The following SHOC1 variants were observed in gnomAD, a reference collection of about 807,000 sequenced individuals.
The protein encoded by SHOC1 is shortage in chiasmata 1, also known as protein shortage in chiasmata 1 ortholog.
In SHOC1, 136 loss-of-function variants were observed where a neutral mutation model predicts 179.2. The observed-to-expected ratio is 0.76, with a 90% CI of 0.66 to 0.87. The LOEUF (loss-of-function observed/expected upper bound fraction) is 0.87, where lower values mean the gene tolerates loss of function less well. Among genes scored for constraint, SHOC1 ranks in the 40% least tolerant of loss-of-function variants. The probability of loss-of-function intolerance (pLI) is 0.00; values close to 1 mark genes in which losing one functional copy is unlikely to be tolerated. For missense variants in SHOC1, 1,538 were observed against 1,700.8 expected (o/e 0.90, Z 1.68); for synonymous variants, 489 against 586.6 (o/e 0.83, Z 2.41).
rs1834991112 is a variant in SHOC1 at position 111,758,694 on chromosome 9, C to T, written c.596+1G>A. 6.4e-7 allele frequency: 1 copy of T among 1,570,894 alleles called. No individual in the cohort carries two copies. Among genetic ancestry groups the T allele is most frequent in the African/African-American group, 1.4e-5 (1 of 72,222 alleles). On this transcript the variant is annotated splice_donor_variant, in intron 6 of 27. Transcript: ENST00000682961. LOFTEE classifies it high-confidence loss of function. Reference sequence around the variant, plus strand: ...ACAGCATTGGTCAATTAAGTAAGTACCTGGAAAAATTAGCTTCTGTGAAGA... The same window carrying T: ...ACAGCATTGGTCAATTAAGTAAGTATCTGGAAAAATTAGCTTCTGTGAAGA...
At chr9:111,708,530 A>C (rs2131366537) in intron 18 of SHOC1, among the ~76,000 whole-genome samples, 1 of 152,306 alleles carries the variant, frequency 6.6e-6, no homozygotes, top group Middle Eastern at 3.4e-3. Flanking sequence ...AAGCAAATTA[A>C]ACACTCACCA....
Position 111,727,683 on chromosome 9 carries a change from T to C in SHOC1, c.1784A>G (p.Tyr595Cys). 11 of 1,605,676 alleles carry C rather than the reference T, an allele frequency of 6.9e-6. No homozygotes were observed. Among genetic ancestry groups the C allele is most frequent in the Non-Finnish European group, 9.3e-6 (11 of 1,177,660 alleles). Residue 595 changes from tyrosine to cysteine, a missense_variant, in exon 13 of 28, where the codon TAT becomes TGT. Transcript: ENST00000682961. ...LSDFIMLRNKYKTCTSKTEVT... is the reference protein window; with the variant it reads ...LSDFIMLRNKCKTCTSKTEVT... Reference sequence around the variant, plus strand: ...TTCAGTCTTTGAGGTGCAAGTCTTATATTTATTTCGCAGCATAATAAAGTC... The same window carrying C: ...TTCAGTCTTTGAGGTGCAAGTCTTACATTTATTTCGCAGCATAATAAAGTC...
intron 25 of SHOC1, 138 bp from the exon 26 acceptor site, chr9:111,694,086 C>A (rs554845585): frequency 9.4e-7 from 1 of 1,067,652 alleles, no homozygotes. Context: ...TTATTCTACT[C>A]GTTGCAGCAG....
chr9:111,715,717 A>ATACTAT (rs1832754580), intron 16 of SHOC1, among the ~76,000 whole-genome samples: 1 of 152,166 alleles, frequency 6.6e-6, no homozygotes, highest in South Asian at 2.1e-4. Flanking sequence ...TTCTGCCTAG[A>ATACTAT]ATAGTCTTTT....
At chr9:111,704,447 A>G (rs926829507) in intron 21 of SHOC1, among the ~76,000 whole-genome samples, 4 of 152,110 alleles carry the variant, frequency 2.6e-5, no homozygotes, top group South Asian at 2.1e-4. Flanking sequence ...CAGTGGTGCT[A>G]TCATGGCTCA....
chr9:111,688,555 A>G (rs941120349), intron 27 of SHOC1, among the ~76,000 whole-genome samples: 4 of 152,166 alleles, frequency 2.6e-5, no homozygotes. Context: ...ATCCTTGCCA[A>G]GTCAGATAAA....
intron 26 of SHOC1, 86 bp from the exon 27 acceptor site, chr9:111,692,597 A>G: frequency 1.1e-6 from 1 of 910,270 alleles, no homozygotes; most frequent in Non-Finnish European, 1.6e-6. Context: ...GGCAAAATAT[A>G]AATAGGTAGT....
chr9:111,728,882 G>A (rs1356833144), intron 12 of SHOC1, among the ~76,000 whole-genome samples: 1 of 152,096 alleles, frequency 6.6e-6, no homozygotes, highest in Admixed American at 6.6e-5. Context: ...TTCAGTTCTC[G>A]ACCATCACAA....
chr9:111,759,550 T>A, intron 5 of SHOC1: 3 of 1,141,800 alleles, frequency 2.6e-6, no homozygotes, highest in Non-Finnish European at 3.2e-6. Flanking sequence ...TTTAACAGTT[T>A]CTAAGTCACA....
intron 5 of SHOC1, 108 bp from the exon 6 acceptor site, chr9:111,758,956 T>C: frequency 1.1e-6 from 1 of 874,974 alleles, no homozygotes; most frequent in South Asian, 1.9e-5. Flanking sequence ...GGTTTTTCAA[T>C]CACATTTTAA....
At chr9:111,742,960 G>A (rs1161269415) in intron 10 of SHOC1, among the ~76,000 whole-genome samples, 1 of 152,228 alleles carries the variant, frequency 6.6e-6, no homozygotes, top group Non-Finnish European at 1.5e-5. Flanking sequence ...CTGAAGGCAT[G>A]TCTGAATCTG....
At chr9:111,711,479 G>A (rs141125274) in intron 18 of SHOC1, among the ~76,000 whole-genome samples, 2 of 152,232 alleles carry the variant, frequency 1.3e-5, no homozygotes, top group African/African-American at 4.8e-5. Flanking sequence ...TCTATTAACA[G>A]GAACCCCTCT....
Position 111,692,453 on chromosome 9 carries a change from G to T in SHOC1, c.3524C>A (p.Pro1175Gln). 6.2e-7 allele frequency: 1 copy of T among 1,605,122 alleles called. No homozygotes were observed. Among genetic ancestry groups the T allele is most frequent in the South Asian group, 1.1e-5 (1 of 89,022 alleles). ...KIGSSSITKS[P>Q]QISSPQENRN... ...ATTTTCCTGAGGTGACGAAATTTGC[G>T]GTGATTTTGTTATGGAAGAAGAACC... The change falls in exon 27 of 28, where the codon CCG becomes CAG. Residue 1175 changes from proline to glutamine, a missense_variant. Coordinates refer to ENST00000682961, the MANE Select transcript of SHOC1 (RefSeq NM_001378211.1).
chr9:111,738,476 C>A lies in SHOC1; in HGVS notation c.1221G>T (p.Leu407Phe). Reference sequence around the variant, plus strand: ...CTTCTTTAACAGAAAATATCTTTTTCAAATCTGTAACTGAATATTGGCTGT... The same window carrying A: ...CTTCTTTAACAGAAAATATCTTTTTAAAATCTGTAACTGAATATTGGCTGT... ...EPHSQYSVTD[L>F]KKIFSVKEES... Residue 407 changes from leucine to phenylalanine, a missense_variant, in exon 12 of 28, where the codon TTG becomes TTT. Transcript: ENST00000682961. The A allele has an allele frequency of 6.2e-7, 1 of 1,600,554 alleles. No individual in the cohort carries two copies. Among genetic ancestry groups the A allele is most frequent in the African/African-American group, 1.4e-5 (1 of 73,864 alleles).
chr9:111,734,168 T>C (rs569743573), intron 12 of SHOC1, among the ~76,000 whole-genome samples: 17 of 152,342 alleles, frequency 1.1e-4, no homozygotes, highest in African/African-American at 3.8e-4. Flanking sequence ...TGAAGTTTTG[T>C]GGCAATCTTG....
At chr9:111,690,839 C>T (rs762789655) in intron 27 of SHOC1, among the ~76,000 whole-genome samples, 3 of 152,172 alleles carry the variant, frequency 2.0e-5, no homozygotes, top group Non-Finnish European at 4.4e-5. Flanking sequence ...CCCTCTCAGG[C>T]CTCACAAAAA....
chr9:111,718,480 T>G (rs1832897651), intron 15 of SHOC1, among the ~76,000 whole-genome samples, 192 bp from the exon 16 acceptor site: 1 of 152,188 alleles, frequency 6.6e-6, no homozygotes, highest in Admixed American at 6.5e-5. Flanking sequence ...ATGATCCAAA[T>G]TTTATGAATG....
chr9:111,745,580 C>T (rs1009301611), intron 10 of SHOC1, among the ~76,000 whole-genome samples: 14 of 152,044 alleles, frequency 9.2e-5, no homozygotes, highest in African/African-American at 3.4e-4. Context: ...GGGGTATAGA[C>T]AATGATAGAG....
chr9:111,701,989 G>A (rs1831992947), intron 23 of SHOC1, 116 bp downstream of exon 23: 1 of 701,638 alleles, frequency 1.4e-6, no homozygotes, highest in South Asian at 2.8e-5. Flanking sequence ...GAAAATCCTT[G>A]ACTTAAAGCA....
Sources: allele counts gnomAD v4.1 joint callset (sites outside exome capture counted in the v4.1 genomes callset), GRCh38; gene constraint gnomAD v4.1.1; transcripts MANE v1.5; gene names NCBI Gene and HGNC (gene_info 2026-07-23, HGNC 2026-07-21).